SLC35F5: variants seen among roughly 807,000 people sequenced by gnomAD.
SLC35F5 encodes HCV NS5A-transactivated protein 3.
In SLC35F5, 54 loss-of-function variants were observed where a neutral mutation model predicts 68.6. The ratio of observed to expected loss-of-function variants is 0.79; its 90% CI spans 0.63 to 0.99. The LOEUF (loss-of-function observed/expected upper bound fraction) is 0.99. SLC35F5 is among the 50% of genes least tolerant of loss of function. The pLI, the probability that SLC35F5 is intolerant of heterozygous loss-of-function variation, is 0.00. For missense variants in SLC35F5, 567 were observed against 626.9 expected, an observed-to-expected ratio of 0.90 and a Z score of 1.02; for synonymous variants, 211 against 205.2, an observed-to-expected ratio of 1.03 and a Z score of -0.24.
intron 10 of SLC35F5, 59 bp downstream of exon 10, chr2:113,731,525 C>A: frequency 7.5e-7 from 1 of 1,338,558 alleles, no homozygotes; most frequent in Non-Finnish European, 1.1e-6. Context: ...TGCACATGAG[C>A]ACGCACATGT....
intron 4 of SLC35F5, among the ~76,000 whole-genome samples, chr2:113,747,960 C>T (rs1317234243): frequency 3.9e-5 from 6 of 151,948 alleles, no homozygotes; most frequent in Non-Finnish European, 8.8e-5. Context: ...GGCATGGTGG[C>T]GGGCACCTGT....
chr2:113,744,545 A>G (rs1032800048), intron 5 of SLC35F5, among the ~76,000 whole-genome samples: 2 of 152,092 alleles, frequency 1.3e-5, no homozygotes, highest in African/African-American at 4.8e-5. Context: ...TGAGGTCGGG[A>G]GTTCGAGACC....
chr2:113,704,098 A>C (rs1686748564), downstream of SLC35F5: 1 of 152,288 alleles, frequency 6.6e-6, no homozygotes, highest in Non-Finnish European at 1.5e-5. Flanking sequence ...CCAAAGAGTG[A>C]GCAGCAGCAA....
chr2:113,743,555 T>G (rs1676368719), intron 6 of SLC35F5, among the ~76,000 whole-genome samples, 158 bp downstream of exon 6: 1 of 152,232 alleles, frequency 6.6e-6, no homozygotes, highest in African/African-American at 2.4e-5. Context: ...TATACTATAT[T>G]AGATTCACAA....
chr2:113,728,654 GATAA>G (rs1249357335), intron 11 of SLC35F5, among the ~76,000 whole-genome samples: 2 of 152,154 alleles, frequency 1.3e-5, no homozygotes, highest in African/African-American at 2.4e-5. Context: ...ATGCCTATGA[GATAA>G]ATAAAGTTAC....
chr2:113,724,602 A>G (rs1036613540), intron 12 of SLC35F5, among the ~76,000 whole-genome samples: 6 of 152,176 alleles, frequency 3.9e-5, no homozygotes, highest in African/African-American at 1.4e-4. Flanking sequence ...GACTCCACAA[A>G]AAAGTCTATT....
intron 7 of SLC35F5, among the ~76,000 whole-genome samples, chr2:113,736,428 G>A (rs1688098171): frequency 6.7e-6 from 1 of 150,308 alleles, no homozygotes; most frequent in Non-Finnish European, 1.5e-5. Flanking sequence ...CTAGGTGACA[G>A]AGAGACCATT....
intron 1 of SLC35F5, chr2:113,756,027 C>A (rs1676970797): frequency 1.3e-6 from 2 of 1,487,962 alleles, no homozygotes; most frequent in East Asian, 4.9e-5. Context: ...GAAAAGGATT[C>A]TCCATGCTCC....
chr2:113,710,165 G>T lies in SLC35F5; in HGVS notation c.*5053C>A, dbSNP rs1686940742. On this transcript the variant is annotated 3_prime_UTR_variant, in exon 16 of 16. Coordinates refer to ENST00000245680, the MANE Select transcript of SLC35F5 (RefSeq NM_025181.5). The stretch of plus-strand genomic sequence containing the variant: ...AAGGCCTTCAGGTGATGCTGATGCT[G>T]TCTGAAAGCCACTGCTCTCCAGCAT... 6.6e-6 allele frequency among the ~76,000 whole-genome samples: 1 copy of T among 152,288 alleles called. No individual in the cohort carries two copies. Among genetic ancestry groups the T allele is most frequent in the South Asian group, 2.1e-4 (1 of 4,824 alleles).
In SLC35F5 at chr2:113,725,416, G is replaced by A. The variant is rs779203532; in HGVS notation, c.1212C>T (p.Gly404=). 9.9e-6 allele frequency: 16 copies of A among 1,610,576 alleles called. No homozygotes were observed. The highest frequency in any genetic ancestry group is 1.7e-5 in the Admixed American group (1 of 59,312). The stretch of plus-strand genomic sequence containing the variant: ...ACTCTGAGAGTACTGTTCCAATAAG[G>A]CCATTAATGATAATGCACATTAATA... ...KVVLMCIIIN[G]LIGTVLSEFL... The change falls in exon 12 of 16, where the codon GGC becomes GGT. Residue 404 remains glycine (G), a synonymous_variant. Transcript: ENST00000245680.
intron 4 of SLC35F5, among the ~76,000 whole-genome samples, chr2:113,748,497 C>T (rs1559360902): frequency 6.6e-6 from 1 of 152,112 alleles, no homozygotes; most frequent in Non-Finnish European, 1.5e-5. Context: ...ATAAAAAATA[C>T]ACACATGAAA....
At chr2:113,704,674 C>T (rs867853200), downstream of SLC35F5, among the ~76,000 whole-genome samples, 3 of 151,980 alleles carry the variant, frequency 2.0e-5, no homozygotes, top group East Asian at 3.9e-4. Context: ...TGCCCGGGGC[C>T]GGCAGGGCCT....
chr2:113,720,516 C>A (rs1687390088), intron 13 of SLC35F5, among the ~76,000 whole-genome samples: 1 of 152,054 alleles, frequency 6.6e-6, no homozygotes, highest in Non-Finnish European at 1.5e-5. Context: ...TGCCCTATTT[C>A]TATGGTATTC....
chr2:113,705,743 A>G (rs891294811), downstream of SLC35F5, among the ~76,000 whole-genome samples: 2 of 67,154 alleles, frequency 3.0e-5, no homozygotes, highest in Non-Finnish European at 3.8e-5. Context: ...TTTCAAGAAA[A>G]AAATTTAAGA....
At chr2:113,739,961 C>T (rs971710589) in intron 7 of SLC35F5, among the ~76,000 whole-genome samples, 6 of 152,120 alleles carry the variant, frequency 3.9e-5, no homozygotes, top group Non-Finnish European at 7.4e-5. Flanking sequence ...AATATATTTA[C>T]GACTCATTAA....
chr2:113,719,033 ATATAAGT>A (rs1687319428), intron 14 of SLC35F5, 114 bp downstream of exon 14: 1 of 857,250 alleles, frequency 1.2e-6, no homozygotes, highest in Non-Finnish European at 1.8e-6. Context: ...CTGCCGTAAC[ATATAAGT>A]TATCATCTTT....
At chr2:113,727,137 C>T (rs1167427172) in intron 11 of SLC35F5, among the ~76,000 whole-genome samples, 1 of 152,136 alleles carries the variant, frequency 6.6e-6, no homozygotes, top group Non-Finnish European at 1.5e-5. Context: ...AAGTGTTTGG[C>T]AGTTCCCCCT....
At position 113,754,347 on chromosome 2, in the gene SLC35F5, A is replaced by T. The variant is rs145355463; in HGVS notation, c.273+818T>A. On this transcript the variant is annotated intron_variant, in intron 3 of 15. Coordinates refer to ENST00000245680, the MANE Select transcript of SLC35F5 (RefSeq NM_025181.5). ...TTATATACTCATAGGATACAATGCCAATGTCAATATTTACTTAGCTACAAT... is the reference window on the plus strand; with the variant it reads ...TTATATACTCATAGGATACAATGCCTATGTCAATATTTACTTAGCTACAAT... Among the ~76,000 whole-genome samples the T allele has an allele frequency of 3.2e-4, 48 of 152,172 alleles. 1 individual carries two copies. In the East Asian group the frequency reaches 8.7e-3, roughly 28 times the overall value.
chr2:113,729,477 C>T lies in SLC35F5; in HGVS notation c.1014G>A (p.Met338Ile), dbSNP rs1485063307. Residue 338 changes from methionine to isoleucine, a missense_variant, in exon 11 of 16, where the codon ATG (methionine) becomes ATA (isoleucine). Coordinates refer to ENST00000245680, the MANE Select transcript of SLC35F5 (RefSeq NM_025181.5). ...VGSIWSLAGAMLYAVYIVMIK... is the reference protein window; with the variant it reads ...VGSIWSLAGAILYAVYIVMIK... ...TCATAACAATATAGACAGCATAGAG[C>T]ATGGCTCCAGCAAGAGACCAAATGG... 2 of 1,594,400 alleles carry T rather than the reference C, an allele frequency of 1.3e-6. No individual in the cohort carries two copies. The highest frequency in any genetic ancestry group is 1.7e-6 in the Non-Finnish European group (2 of 1,171,224).
Sources: gnomAD v4.1 joint callset for allele counts (sites outside exome capture counted in the v4.1 genomes callset) on GRCh38, gnomAD v4.1.1 for gene constraint, MANE v1.5 for transcripts, NCBI Gene and HGNC (gene_info 2026-07-23, HGNC 2026-07-21) for gene names.